EVC2: variants seen among roughly 807,000 people sequenced by gnomAD.
EVC2 encodes limbin.
A neutral mutation model predicts 149.3 loss-of-function variants in EVC2; 148 were observed. The observed-to-expected ratio is 0.99, with a 90% CI of 0.87 to 1.14. The LOEUF (loss-of-function observed/expected upper bound fraction) is 1.14, where lower values mean the gene tolerates loss of function less well. Ranked by LOEUF, EVC2 falls within the 50% of genes most tolerant of loss-of-function variation. The pLI is 0.00. For synonymous variants in EVC2, 776 were observed against 649.9 expected (o/e 1.19, Z -2.95); for missense variants, 1,854 against 1,627.3 (o/e 1.14, Z -2.40).
At chr4:5,597,681 C>G (rs1260081959) in intron 16 of EVC2, among the ~76,000 whole-genome samples, 17 of 147,204 alleles carry the variant, frequency 1.2e-4, no homozygotes, top group Non-Finnish European at 2.5e-4. Flanking sequence ...CCTCTCTCAC[C>G]ACTCCTATTC....
intron 7 of EVC2, among the ~76,000 whole-genome samples, chr4:5,672,986 TG>T (rs1719748832): frequency 6.6e-6 from 1 of 152,098 alleles, no homozygotes; most frequent in Non-Finnish European, 1.5e-5. Context: ...TGCCAGGGGC[TG>T]GGGGAGAAGG....
At position 5,576,513 on chromosome 4, in the gene EVC2, C is replaced by T; in HGVS notation, c.3058-59G>A. On this transcript the variant is annotated intron_variant, in intron 17 of 21. Transcript: ENST00000344408. This position sits in a 1 kb window ranked among gnomAD's most constrained non-coding sequence, Gnocchi z 4.5. The stretch of plus-strand genomic sequence containing the variant: ...TGCACAAGGCGGGTGGGGTGGAGGA[C>T]AAAATCTGACCTCCTGGGTGTCTTG... 6.5e-7 allele frequency: 1 copy of T among 1,538,878 alleles called. No individual in the cohort carries two copies. The highest frequency in any genetic ancestry group is 8.7e-7 in the Non-Finnish European group (1 of 1,147,494).
chr4:5,535,772 T>C, the EVC2 span, among the ~76,000 whole-genome samples: 1 of 152,162 alleles, frequency 6.6e-6, no homozygotes, highest in South Asian at 2.1e-4. The surrounding 1 kb of genome is among the most constrained non-coding windows in gnomAD (Gnocchi z 4.7). Context: ...GGGCTGGGGC[T>C]TTAACATATA....
At chr4:5,707,144 T>A (rs1407872939) in intron 1 of EVC2, among the ~76,000 whole-genome samples, 2 of 152,042 alleles carry the variant, frequency 1.3e-5, no homozygotes, top group East Asian at 3.9e-4. Flanking sequence ...TGAGCCTTGG[T>A]TTTGTCACCT....
intron 16 of EVC2, among the ~76,000 whole-genome samples, chr4:5,585,902 C>T (rs1039279324): frequency 1.3e-5 from 2 of 152,102 alleles, no homozygotes; most frequent in Non-Finnish European, 2.9e-5. Context: ...CGCTCTGTCA[C>T]CCAAGCTGGA....
At chr4:5,555,727 A>G (rs1400496964) in intron 21 of EVC2, among the ~76,000 whole-genome samples, 1 of 152,238 alleles carries the variant, frequency 6.6e-6, no homozygotes, top group Admixed American at 6.5e-5. Context: ...TCAGTAATTC[A>G]TAGATCAAGC....
intron 21 of EVC2, among the ~76,000 whole-genome samples, chr4:5,555,364 T>C (rs1721819538): frequency 6.6e-6 from 1 of 152,194 alleles, no homozygotes; most frequent in East Asian, 1.9e-4. Flanking sequence ...GATTGTCAGA[T>C]GGATTTTTTA....
At chr4:5,693,465 A>C (rs964732242) in intron 3 of EVC2, among the ~76,000 whole-genome samples, 6 of 152,222 alleles carry the variant, frequency 3.9e-5, no homozygotes, top group African/African-American at 1.4e-4. Context: ...GGAGGGAGAG[A>C]GTCAAGTGAT....
intron 21 of EVC2, among the ~76,000 whole-genome samples, chr4:5,547,888 G>C (rs1721651557): frequency 6.6e-6 from 1 of 152,202 alleles, no homozygotes; most frequent in South Asian, 2.1e-4. Flanking sequence ...CCTGAGCCAA[G>C]GCTGTGACTT....
chr4:5,685,455 T>C lies in EVC2; in HGVS notation c.731A>G (p.Tyr244Cys). 1 of 1,614,178 alleles carries C rather than the reference T, an allele frequency of 6.2e-7. No homozygotes were observed. Among genetic ancestry groups the C allele is most frequent in the Non-Finnish European group, 8.5e-7 (1 of 1,180,020 alleles). ...GTCTCCAGCCTGGAGCGTGGCTGCG[T>C]AGCTGACAGCAAAGGCATCTCCCAC... The part of the protein sequence containing the change: ...LQVGDAFAVS[Y>C]AATLQAGDLG... The change falls in exon 6 of 22, where the codon TAC (tyrosine) becomes TGC (cysteine). Residue 244 changes from tyrosine to cysteine, a missense_variant. By Grantham distance (194) the Tyr-to-Cys change is radical. Coordinates refer to ENST00000344408, the MANE Select transcript of EVC2 (RefSeq NM_147127.5).
At chr4:5,649,046 T>A (rs1005625464) in intron 9 of EVC2, among the ~76,000 whole-genome samples, 7 of 152,202 alleles carry the variant, frequency 4.6e-5, no homozygotes, top group African/African-American at 1.7e-4. Flanking sequence ...AACAATGAAA[T>A]ACACGTATTT....
chr4:5,706,036 G>A (rs1382458190), intron 1 of EVC2, among the ~76,000 whole-genome samples: 1 of 152,042 alleles, frequency 6.6e-6, no homozygotes, highest in East Asian at 1.9e-4. Context: ...CAGAGACTTG[G>A]AATATGCCAA....
chr4:5,554,984 C>T (rs1721806967), intron 21 of EVC2, among the ~76,000 whole-genome samples: 1 of 151,796 alleles, frequency 6.6e-6, no homozygotes, highest in Admixed American at 6.6e-5. Context: ...TAAAATTGTG[C>T]TTTAATTGCA....
At chr4:5,542,950 GC>G (rs1408487803) in intron 22 of EVC2, 2 of 367,904 alleles carry the variant, frequency 5.4e-6, no homozygotes, top group African/African-American at 2.1e-5. Context: ...GATTTTCTCT[GC>G]CCTGCAATGT....
Position 5,696,055 on chromosome 4 carries a change from C to T in EVC2, c.283+1538G>A, listed in dbSNP as rs867730655. On this transcript the variant is annotated intron_variant, in intron 2 of 21. Transcript: ENST00000344408. This position sits in a 1 kb window ranked among gnomAD's most constrained non-coding sequence, Gnocchi z 4.1. ...CCCTCGCCATGGAAACAAGTGGGTG[C>T]TCCACCAGGTGAGCGGCTGATTCAG... is the stretch of plus-strand genomic sequence containing the variant. 1.3e-5 allele frequency among the ~76,000 whole-genome samples: 2 copies of T among 152,138 alleles called. No individual in the cohort carries two copies. The highest frequency in any genetic ancestry group is 2.4e-5 in the African/African-American group (1 of 41,434).
downstream of EVC2, among the ~76,000 whole-genome samples, chr4:5,542,390 G>A (rs932477974): frequency 3.3e-5 from 5 of 152,190 alleles, no homozygotes; most frequent in Non-Finnish European, 5.9e-5. Flanking sequence ...GGGAGTTTGA[G>A]GCTGCAGTGA....
At position 5,640,517 on chromosome 4, in the gene EVC2, C is replaced by A; in HGVS notation, c.1467G>T (p.Glu489Asp). Reference protein sequence around the residue: ...EAEELLKRAGERSAVECSNLL... With the variant: ...EAEELLKRAGDRSAVECSNLL... ...CTTCCTTTCAGACCTGTCTTACCCT[C>A]TCACCAGCACGTTTCAGCAACTCTT... Residue 489 changes from glutamate (E) to aspartate (D), a missense_variant, in exon 10 of 22, where the codon GAG (glutamate) becomes GAT (aspartate). Coordinates refer to ENST00000344408, the MANE Select transcript of EVC2 (RefSeq NM_147127.5). The surrounding 1 kb of genome is among the most constrained non-coding windows in gnomAD (Gnocchi z 4.6). 6.2e-7 allele frequency: 1 copy of A among 1,614,114 alleles called. No homozygotes were observed. Among genetic ancestry groups the A allele is most frequent in the Non-Finnish European group, 8.5e-7 (1 of 1,180,018 alleles).
At chr4:5,585,521 C>A (rs185132880) in intron 16 of EVC2, among the ~76,000 whole-genome samples, 5 of 152,314 alleles carry the variant, frequency 3.3e-5, no homozygotes, top group African/African-American at 1.2e-4. Context: ...TGCATGCCTA[C>A]GCTTCTTCAT....
intron 21 of EVC2, among the ~76,000 whole-genome samples, chr4:5,546,032 T>C (rs944608814): frequency 6.6e-6 from 1 of 152,150 alleles, no homozygotes; most frequent in Non-Finnish European, 1.5e-5. Flanking sequence ...TCACACCAGT[T>C]AGAATGGCAA....
Sources: allele counts gnomAD v4.1 joint callset (sites outside exome capture counted in the v4.1 genomes callset), GRCh38; gene constraint gnomAD v4.1.1; non-coding constraint Gnocchi (gnomAD v3.1); transcripts MANE v1.5; gene names NCBI Gene and HGNC (gene_info 2026-07-23, HGNC 2026-07-21).